The following KCNIP3 variants were observed in gnomAD, a reference collection of about 807,000 sequenced individuals.
KCNIP3 encodes the protein potassium voltage-gated channel interacting protein 3.
Under a neutral mutation model 35.0 loss-of-function variants are expected in KCNIP3, and 28 were observed. That is an observed-to-expected ratio of 0.80 (90% CI 0.59 to 1.10). The LOEUF is 1.10. Ranked by LOEUF, KCNIP3 falls within the 50% of genes least tolerant of loss-of-function variation. KCNIP3 has a pLI of 0.00. For synonymous variants in KCNIP3, 134 were observed against 133.8 expected (o/e 1.00, Z -0.01); for missense variants, 295 against 338.4 (o/e 0.87, Z 1.01).
chr2:95,321,446 A>C (rs1163173744), intron 2 of KCNIP3, among the ~76,000 whole-genome samples: 1 of 152,156 alleles, frequency 6.6e-6, no homozygotes, highest in Non-Finnish European at 1.5e-5. Context: ...CAGTGGAAGA[A>C]GGGGGGTCAG....
chr2:95,324,810 T>C (rs184444971), intron 2 of KCNIP3, among the ~76,000 whole-genome samples: 22 of 150,394 alleles, frequency 1.5e-4, no homozygotes, highest in Admixed American at 1.1e-3. Flanking sequence ...ACTCGGGAGG[T>C]TGAGGCAGAA....
intron 2 of KCNIP3, among the ~76,000 whole-genome samples, chr2:95,326,211 A>C (rs1401770366): frequency 1.3e-5 from 2 of 150,372 alleles, no homozygotes; most frequent in Non-Finnish European, 3.0e-5. Context: ...ACTCATATAC[A>C]CACACACTCA....
In KCNIP3 at chr2:95,385,991, G is replaced by T. The variant is rs1175673833; in HGVS notation, c.*1942G>T. ...TCTGCATGGCAGAAGCGTCTCCCTT[G>T]GCCACGGCCTGGGAGGGTGGTTCCT... is the stretch of plus-strand genomic sequence containing the variant. On this transcript the variant is annotated 3_prime_UTR_variant, in exon 9 of 9. Coordinates refer to ENST00000295225, the MANE Select transcript of KCNIP3 (RefSeq NM_013434.5). The T allele has an allele frequency of 6.6e-6, 1 of 152,318 alleles. No homozygotes were observed. The highest frequency in any genetic ancestry group is 2.4e-5 in the African/African-American group (1 of 41,462). 9.4% of individuals were successfully genotyped at this position (152,318 alleles called of 1,614,324 possible).
At chr2:95,364,659 A>G (rs569133196) in intron 2 of KCNIP3, among the ~76,000 whole-genome samples, 103 of 152,238 alleles carry the variant, frequency 6.8e-4, no homozygotes, top group African/African-American at 2.3e-3. Context: ...ATAATACATT[A>G]AAGAGCCTGG....
At chr2:95,324,672 GGAGGC>G (rs1367198437) in intron 2 of KCNIP3, among the ~76,000 whole-genome samples, 1 of 152,022 alleles carries the variant, frequency 6.6e-6, no homozygotes, top group Non-Finnish European at 1.5e-5. Context: ...CAGCACTTTG[GGAGGC>G]CAAGGTGGGC....
intron 2 of KCNIP3, among the ~76,000 whole-genome samples, chr2:95,368,194 G>C (rs765054652): frequency 2.0e-5 from 3 of 152,206 alleles, no homozygotes; most frequent in Non-Finnish European, 4.4e-5. Context: ...TCTAATTAGT[G>C]ATCAGCTGTA....
rs1240977232 is a variant in KCNIP3 at position 95,320,973 on chromosome 2, C to T, written c.181+10453C>T. ...TCCCCACCCCTCCCCAGCCTCTCCTCCCTGGCATCCCCAGCCTTTCCTAGG... is the reference window on the plus strand; with the variant it reads ...TCCCCACCCCTCCCCAGCCTCTCCTTCCTGGCATCCCCAGCCTTTCCTAGG... On this transcript the variant is annotated intron_variant, in intron 2 of 8. Coordinates refer to ENST00000295225, the MANE Select transcript of KCNIP3 (RefSeq NM_013434.5). 2.2e-5 allele frequency among the ~76,000 whole-genome samples: 3 copies of T among 133,570 alleles called. 1 individual carries two copies. Among genetic ancestry groups the T allele is most frequent in the African/African-American group, 8.6e-5 (3 of 35,022 alleles). 87.6% of individuals were successfully genotyped at this position (133,570 alleles called of 152,430 possible). A position where few individuals can be genotyped will look rare whatever the true frequency, so the allele number is the denominator to read the frequency against.
intron 5 of KCNIP3, among the ~76,000 whole-genome samples, chr2:95,375,820 C>G (rs1573520831): frequency 1.3e-5 from 2 of 152,138 alleles, no homozygotes; most frequent in Non-Finnish European, 2.9e-5. Context: ...CTGCGGAGCC[C>G]AAGCCTCTAA....
At chr2:95,357,616 G>A (rs184888663) in intron 2 of KCNIP3, among the ~76,000 whole-genome samples, 1 of 152,286 alleles carries the variant, frequency 6.6e-6, no homozygotes, top group Admixed American at 6.5e-5. Context: ...CACTAAGGAG[G>A]GTATCATGTG....
intron 2 of KCNIP3, among the ~76,000 whole-genome samples, chr2:95,367,054 C>T (rs1464832629): frequency 6.6e-6 from 1 of 152,116 alleles, no homozygotes. Flanking sequence ...CTCAGGAACT[C>T]CTGAGGTCAG....
At chr2:95,346,895 G>C in intron 2 of KCNIP3, 1 of 404,652 alleles carries the variant, frequency 2.5e-6, no homozygotes, top group Non-Finnish European at 4.0e-6. Flanking sequence ...CCCGCCTGCC[G>C]GGGGCATGTG....
chr2:95,310,037 C>T (rs1490880598), intron 1 of KCNIP3, among the ~76,000 whole-genome samples: 6 of 152,362 alleles, frequency 3.9e-5, no homozygotes, highest in East Asian at 1.9e-4. Context: ...TGTCCAGCTC[C>T]GACAACCTGG....
chr2:95,375,331 A>G, intron 5 of KCNIP3, 123 bp downstream of exon 5: 2 of 895,372 alleles, frequency 2.2e-6, no homozygotes, highest in East Asian at 2.6e-5. Flanking sequence ...GGATCTTGTG[A>G]GTCACCCTGG....
intron 4 of KCNIP3, 96 bp downstream of exon 4, chr2:95,375,013 G>C: frequency 1.3e-6 from 2 of 1,523,542 alleles, no homozygotes; most frequent in Non-Finnish European, 1.8e-6. Context: ...TGCTGCCCCT[G>C]TCCCGTGGGA....
intron 1 of KCNIP3, among the ~76,000 whole-genome samples, chr2:95,306,548 TAGTC>T (rs986083028): frequency 3.3e-5 from 5 of 152,038 alleles, no homozygotes; most frequent in South Asian, 4.2e-4. Flanking sequence ...GTGGCCTAGG[TAGTC>T]AGGCAGGGCT....
intron 2 of KCNIP3, among the ~76,000 whole-genome samples, chr2:95,347,794 G>A (rs918973505): frequency 9.8e-5 from 15 of 152,352 alleles, no homozygotes; most frequent in African/African-American, 3.4e-4. Context: ...ACCTCTGGCC[G>A]TGGGGAAGGG....
intron 2 of KCNIP3, among the ~76,000 whole-genome samples, chr2:95,318,119 C>T (rs1678503571): frequency 6.6e-6 from 1 of 152,104 alleles, no homozygotes; most frequent in South Asian, 2.1e-4. Context: ...GTCTTTGCAG[C>T]CCACCCCTCC....
chr2:95,326,238 C>T (rs538381373), intron 2 of KCNIP3, among the ~76,000 whole-genome samples: 53 of 110,216 alleles, frequency 4.8e-4, no homozygotes, highest in Non-Finnish European at 7.1e-4. Context: ...TACACATACA[C>T]ACACACAACA....
chr2:95,351,234 C>G (rs578126658), intron 2 of KCNIP3, among the ~76,000 whole-genome samples: 2 of 152,378 alleles, frequency 1.3e-5, no homozygotes, highest in East Asian at 3.9e-4. Flanking sequence ...GTAGGAGAAA[C>G]CTGGAGCCAT....
Sources: allele counts gnomAD v4.1 joint callset (sites outside exome capture counted in the v4.1 genomes callset), GRCh38; gene constraint gnomAD v4.1.1; transcripts MANE v1.5; gene names NCBI Gene and HGNC (gene_info 2026-07-23, HGNC 2026-07-21).